Variants in CPXM2 observed in about 807,000 individuals in gnomAD.
CPXM2 encodes inactive carboxypeptidase-like protein X2.
CPXM2 carries 66 observed loss-of-function variants against 86.1 expected under a neutral mutation model. The ratio of observed to expected loss-of-function variants is 0.77; its 90% CI spans 0.63 to 0.94. CPXM2 has a LOEUF of 0.94. Ranked by LOEUF, CPXM2 falls within the 40% of genes least tolerant of loss-of-function variation. The pLI is 0.00. For missense variants in CPXM2, 948 were observed against 1,026.3 expected (o/e 0.92, Z 1.04); for synonymous variants, 388 against 400.2 (o/e 0.97, Z 0.36).
rs144683852 is a variant in CPXM2, at chr10:123,846,105, G to A, written c.514-3617C>T. Among the ~76,000 whole-genome samples the A allele has an allele frequency of 4.4e-3, 672 of 152,282 alleles. 6 individuals are homozygous for A. The highest frequency in any genetic ancestry group is 0.014 in the Middle Eastern group (4 of 294). On this transcript the variant is annotated intron_variant, in intron 3 of 13. Coordinates refer to ENST00000241305, the MANE Select transcript of CPXM2 (RefSeq NM_198148.3). ...AGTCCCCAAACTTTCTGGCACCAGG[G>A]ACTGGTTTTTCCACCATCTGGGGGT... is the stretch of plus-strand genomic sequence containing the variant.
At chr10:123,864,326 G>T (rs1361707408) in intron 2 of CPXM2, among the ~76,000 whole-genome samples, 1 of 151,576 alleles carries the variant, frequency 6.6e-6, no homozygotes, top group African/African-American at 2.4e-5. Flanking sequence ...GCGATTCCTG[G>T]TGGCCTGGGA....
upstream of CPXM2, among the ~76,000 whole-genome samples, chr10:123,894,444 G>A (rs540895978): frequency 5.8e-4 from 89 of 152,226 alleles, no homozygotes; most frequent in African/African-American, 2.1e-3. Flanking sequence ...AACAAGAATC[G>A]ATTGCACTGA....
At chr10:123,858,053 G>C (rs1848777695) in intron 3 of CPXM2, among the ~76,000 whole-genome samples, 1 of 152,260 alleles carries the variant, frequency 6.6e-6, no homozygotes, top group Admixed American at 6.5e-5. Flanking sequence ...CTGTGGCCAG[G>C]TGCTGGTGCT....
chr10:123,891,250 G>C lies in CPXM2; in HGVS notation c.304+106C>G. ...CAGAGGCGGCAACAGGGAGATTCCCGGGACTGGCCCATCCCAGACACACAC... is the reference window on the plus strand; with the variant it reads ...CAGAGGCGGCAACAGGGAGATTCCCCGGACTGGCCCATCCCAGACACACAC... On this transcript the variant is annotated intron_variant, in intron 1 of 13. Coordinates refer to ENST00000241305, the MANE Select transcript of CPXM2 (RefSeq NM_198148.3). This position sits in a 1 kb window ranked among gnomAD's most constrained non-coding sequence, Gnocchi z 5.6. 1 of 971,578 alleles carries C rather than the reference G, an allele frequency of 1.0e-6. No homozygotes were observed. The highest frequency in any genetic ancestry group is 1.5e-6 in the Non-Finnish European group (1 of 681,284). The allele number at this position is 971,578 out of a possible 1,614,324, so 60.2% of individuals were successfully genotyped here.
At chr10:123,815,604 A>G (rs1847797464) in intron 4 of CPXM2, among the ~76,000 whole-genome samples, 1 of 152,122 alleles carries the variant, frequency 6.6e-6, no homozygotes, top group Non-Finnish European at 1.5e-5. Flanking sequence ...CCTTTGTCTG[A>G]GGAGATAAAC....
intron 7 of CPXM2, among the ~76,000 whole-genome samples, chr10:123,779,583 A>G (rs1161310612): frequency 6.6e-6 from 1 of 152,226 alleles, no homozygotes; most frequent in Non-Finnish European, 1.5e-5. Context: ...AATTGGCCTG[A>G]GACGGGGCTC....
intron 3 of CPXM2, among the ~76,000 whole-genome samples, chr10:123,858,902 C>G (rs1345786295): frequency 6.6e-6 from 1 of 152,228 alleles, no homozygotes; most frequent in Non-Finnish European, 1.5e-5. Flanking sequence ...TTTCTTTACT[C>G]CTTTTGACAC....
intron 3 of CPXM2, among the ~76,000 whole-genome samples, chr10:123,854,361 A>AT (rs1554885762): frequency 8.3e-6 from 1 of 119,786 alleles, no homozygotes; most frequent in South Asian, 2.3e-4. Flanking sequence ...TATATATAAA[A>AT]ATATATATAT....
intron 1 of CPXM2, chr10:123,887,128 A>G (rs1023597593): frequency 1.3e-5 from 2 of 152,254 alleles, no homozygotes; most frequent in Non-Finnish European, 2.9e-5. Flanking sequence ...TCATATGAGG[A>G]AGAACATTCT....
chr10:123,939,810 A>T (rs1945757452), intron 1 of CPXM2, among the ~76,000 whole-genome samples: 1 of 152,114 alleles, frequency 6.6e-6, no homozygotes, highest in Non-Finnish European at 1.5e-5. Context: ...GCCTGGGCGC[A>T]CCCCAGATGT....
chr10:123,758,464 C>A (rs1386621603), intron 11 of CPXM2, among the ~76,000 whole-genome samples: 1 of 152,158 alleles, frequency 6.6e-6, no homozygotes, highest in Non-Finnish European at 1.5e-5. Flanking sequence ...CTGTCCCTTA[C>A]AAGGACACTT....
chr10:123,923,547 C>T (rs542853738), intron 2 of CPXM2, among the ~76,000 whole-genome samples: 1 of 151,434 alleles, frequency 6.6e-6, no homozygotes, highest in South Asian at 2.1e-4. Context: ...CGCCACTGCA[C>T]TCCAGCCTGG....
intron 13 of CPXM2, 150 bp from the exon 14 acceptor site, chr10:123,747,167 G>C: frequency 2.0e-6 from 2 of 981,358 alleles, no homozygotes; most frequent in Non-Finnish European, 3.0e-6. Context: ...AATTCTTAAT[G>C]CATTTTGGAA....
At chr10:123,752,017 C>T (rs983540823) in intron 13 of CPXM2, 1 of 985,430 alleles carries the variant, frequency 1.0e-6, no homozygotes, top group South Asian at 4.7e-5. Context: ...CAGTTCAAAA[C>T]TCCCACATTT....
At chr10:123,773,410 G>A (rs999997515) in intron 7 of CPXM2, among the ~76,000 whole-genome samples, 7 of 152,082 alleles carry the variant, frequency 4.6e-5, no homozygotes, top group Admixed American at 1.3e-4. Flanking sequence ...CACTTCCCTC[G>A]TTGTGGTTCT....
At chr10:123,841,631 T>C (rs1848388272) in intron 4 of CPXM2, among the ~76,000 whole-genome samples, 1 of 152,240 alleles carries the variant, frequency 6.6e-6, no homozygotes, top group Non-Finnish European at 1.5e-5. Flanking sequence ...ACTGGTGTAT[T>C]GCACTCAGCA....
chr10:123,906,726 G>A (rs984446960), intron 2 of CPXM2, among the ~76,000 whole-genome samples: 2 of 152,152 alleles, frequency 1.3e-5, no homozygotes, highest in Non-Finnish European at 2.9e-5. Flanking sequence ...CCAAAGACAG[G>A]AAATCTATGC....
At chr10:123,783,876 T>C (rs114923179) in intron 6 of CPXM2, among the ~76,000 whole-genome samples, 1 of 152,188 alleles carries the variant, frequency 6.6e-6, no homozygotes, top group Non-Finnish European at 1.5e-5. Flanking sequence ...AACTAGCTGA[T>C]TCCTCTGCAA....
chr10:123,775,732 C>T (rs1846769432), intron 7 of CPXM2, among the ~76,000 whole-genome samples: 1 of 152,196 alleles, frequency 6.6e-6, no homozygotes, highest in South Asian at 2.1e-4. Context: ...CCACATGAGA[C>T]CATGGGCCTT....
Sources: gnomAD v4.1 joint callset for allele counts (sites outside exome capture counted in the v4.1 genomes callset) on GRCh38, gnomAD v4.1.1 for gene constraint, Gnocchi (gnomAD v3.1) non-coding constraint, MANE v1.5 for transcripts, NCBI Gene and HGNC (gene_info 2026-07-23, HGNC 2026-07-21) for gene names.